The following TNS3 variants were observed in gnomAD, a reference collection of about 807,000 sequenced individuals.
The protein encoded by TNS3 is tensin-3.
TNS3 carries 45 observed loss-of-function variants against 140.9 expected under a neutral mutation model. The observed-to-expected ratio is 0.32, with a 90% confidence interval of 0.25 to 0.41. The LOEUF (loss-of-function observed/expected upper bound fraction) is 0.41, where lower values mean the gene tolerates loss of function less well. TNS3 is among the 10% of genes least tolerant of loss of function. TNS3 has a pLI of 1.00. For synonymous variants in TNS3, 815 were observed against 788.4 expected (o/e 1.03, Z -0.56); for missense variants, 1,716 against 1,906.7 (o/e 0.90, Z 1.86).
chr7:47,393,577 G>T (rs935774162), intron 16 of TNS3, among the ~76,000 whole-genome samples: 6 of 152,106 alleles, frequency 3.9e-5, no homozygotes, highest in Non-Finnish European at 2.9e-5. Context: ...CCACCTCCCT[G>T]GGGGTGCTCA....
chr7:47,402,895 G>A (rs953845030), intron 13 of TNS3, among the ~76,000 whole-genome samples: 4 of 152,194 alleles, frequency 2.6e-5, no homozygotes, highest in South Asian at 2.1e-4. Context: ...ACAACAACAC[G>A]ATGTCAGCTG....
intron 17 of TNS3, among the ~76,000 whole-genome samples, chr7:47,365,122 C>T (rs577347862): frequency 6.6e-5 from 10 of 152,256 alleles, no homozygotes; most frequent in South Asian, 4.1e-4. Context: ...TATAATAAAA[C>T]GCATTAAAGA....
intron 20 of TNS3, among the ~76,000 whole-genome samples, chr7:47,341,398 T>G (rs1430615414): frequency 6.6e-6 from 1 of 152,202 alleles, no homozygotes; most frequent in Non-Finnish European, 1.5e-5. Context: ...AATTACTAGG[T>G]CAATTTCCTT....
At chr7:47,459,567 G>A (rs1398062460) in intron 4 of TNS3, among the ~76,000 whole-genome samples, 3 of 152,146 alleles carry the variant, frequency 2.0e-5, no homozygotes, top group Non-Finnish European at 2.9e-5. Context: ...TGCCACTGGA[G>A]TGTCCTAGAA....
At chr7:47,377,641 G>A (rs968250432) in intron 16 of TNS3, among the ~76,000 whole-genome samples, 2 of 152,050 alleles carry the variant, frequency 1.3e-5, no homozygotes, top group African/African-American at 4.8e-5. Flanking sequence ...GAGACTCACA[G>A]CAGACTAGAC....
intron 30 of TNS3, chr7:47,279,046 T>C (rs1366460022): frequency 1.3e-5 from 2 of 152,316 alleles, no homozygotes; most frequent in African/African-American, 4.8e-5. Flanking sequence ...GTGTTTCTGC[T>C]ACCAGCCAGA....
intron 3 of TNS3, among the ~76,000 whole-genome samples, chr7:47,489,943 T>C (rs574732668): frequency 1.3e-5 from 2 of 152,310 alleles, no homozygotes; most frequent in Non-Finnish European, 2.9e-5. Context: ...TACAGACCCC[T>C]GAAGGCCAAC....
In TNS3 at chr7:47,424,236, G is replaced by T. The variant is rs192353739; in HGVS notation, c.390-52C>A. ...GTTAACTCAGTGGAGCCCACACCAC[G>T]TGGGTACTTGACGGGGGATGTGTCT... On this transcript the variant is annotated intron_variant, in intron 9 of 30. Coordinates refer to ENST00000311160, the MANE Select transcript of TNS3 (RefSeq NM_022748.12). 912 of 1,587,326 alleles carry T rather than the reference G, an allele frequency of 5.7e-4. 3 individuals carry two copies. The African/African-American group carries it at 0.011, about 19-fold the overall frequency.
At chr7:47,403,597 T>C (rs1228178041) in intron 13 of TNS3, among the ~76,000 whole-genome samples, 1 of 152,166 alleles carries the variant, frequency 6.6e-6, no homozygotes, top group African/African-American at 2.4e-5. Flanking sequence ...TTAAACCTCT[T>C]TCCTCTTGAT....
chr7:47,427,691 A>G (rs558697188), intron 9 of TNS3, among the ~76,000 whole-genome samples: 1 of 152,220 alleles, frequency 6.6e-6, no homozygotes, highest in African/African-American at 2.4e-5. Context: ...TGGCACCTCC[A>G]AAGTCTCCAC....
At chr7:47,343,189 C>T (rs913002770) in intron 20 of TNS3, among the ~76,000 whole-genome samples, 3 of 152,204 alleles carry the variant, frequency 2.0e-5, no homozygotes, top group Non-Finnish European at 2.9e-5. Flanking sequence ...CGCTCATCCA[C>T]GCACAGGACA....
intron 16 of TNS3, among the ~76,000 whole-genome samples, chr7:47,384,420 G>A (rs367654356): frequency 6.6e-6 from 1 of 152,208 alleles, no homozygotes; most frequent in African/African-American, 2.4e-5. Context: ...TCACTTCCCA[G>A]CCCATCCCCC....
chr7:47,389,109 C>CAGAAGCAGAAGAAGAAGAAGA lies in TNS3; in HGVS notation c.1024+7690_1024+7691insTCTTCTTCTTCTTCTGCTTCT, dbSNP rs1195199187. 1.2e-3 allele frequency among the ~76,000 whole-genome samples: 72 copies of CAGAAGCAGAAGAAGAAGAAGA among 59,142 alleles called. 16 individuals carry two copies. Among genetic ancestry groups the CAGAAGCAGAAGAAGAAGAAGA allele is most frequent in the African/African-American group, 3.6e-3 (53 of 14,778 alleles). 38.8% of individuals were successfully genotyped at this position (59,142 alleles called of 152,430 possible). A position where few individuals can be genotyped will look rare whatever the true frequency, so the allele number is the denominator to read the frequency against. ...GAGGAAGAGGAAGAGGAAGCGGAAG[C>CAGAAGCAGAAGAAGAAGAAGA]AGAAGAAGAAGAAGAAGAAGAAGAA... On this transcript the variant is annotated intron_variant, in intron 16 of 30. Coordinates refer to ENST00000311160, the MANE Select transcript of TNS3 (RefSeq NM_022748.12).
intron 5 of TNS3, among the ~76,000 whole-genome samples, chr7:47,441,266 C>T (rs1036554547): frequency 2.0e-5 from 3 of 152,158 alleles, no homozygotes; most frequent in Admixed American, 1.3e-4. Flanking sequence ...GCAGTCTCTG[C>T]CTCCTGGGTT....
At chr7:47,343,298 A>C (rs1226423390) in intron 20 of TNS3, among the ~76,000 whole-genome samples, 1 of 152,078 alleles carries the variant, frequency 6.6e-6, no homozygotes, top group Non-Finnish European at 1.5e-5. Flanking sequence ...AGCCTCCTAG[A>C]CCCTTCTGGA....
chr7:47,383,620 T>C (rs1342066484), intron 16 of TNS3, among the ~76,000 whole-genome samples: 1 of 152,164 alleles, frequency 6.6e-6, no homozygotes, highest in African/African-American at 2.4e-5. Context: ...AACAAGGGCA[T>C]ATTTAGAAAG....
chr7:47,327,002 A>G (rs1788058097), intron 20 of TNS3, among the ~76,000 whole-genome samples: 1 of 151,970 alleles, frequency 6.6e-6, no homozygotes, highest in Non-Finnish European at 1.5e-5. Context: ...ATACACACAC[A>G]CACGCTGTGT....
chr7:47,549,742 A>G (rs1341127101), intron 1 of TNS3, among the ~76,000 whole-genome samples: 1 of 152,134 alleles, frequency 6.6e-6, no homozygotes, highest in African/African-American at 2.4e-5. Flanking sequence ...CTAAGAGGGC[A>G]TAAACTCTAG....
intron 16 of TNS3, among the ~76,000 whole-genome samples, chr7:47,376,052 A>C (rs540609867): frequency 3.9e-5 from 6 of 152,364 alleles, no homozygotes; most frequent in African/African-American, 1.4e-4. Context: ...TTAGTTTCAA[A>C]GGAGAAACTA....
Sources: gnomAD v4.1 joint callset for allele counts (sites outside exome capture counted in the v4.1 genomes callset) on GRCh38, gnomAD v4.1.1 for gene constraint, MANE v1.5 for transcripts, NCBI Gene and HGNC (gene_info 2026-07-23, HGNC 2026-07-21) for gene names.